MRRF: variants seen among roughly 807,000 people sequenced by gnomAD.
MRRF encodes the protein mitochondrial ribosome recycling factor.
In MRRF, 18 loss-of-function variants were observed where a neutral mutation model predicts 25.1. That is an observed-to-expected ratio of 0.72 (90% CI 0.50 to 1.06). The LOEUF is 1.06. Among genes scored for constraint, MRRF ranks in the 50% least tolerant of loss-of-function variants. The probability of loss-of-function intolerance (pLI) is 0.00; values close to 1 mark genes in which losing one functional copy is unlikely to be tolerated. For missense variants in MRRF, 323 were observed against 319.3 expected, an observed-to-expected ratio of 1.01 and a Z score of -0.09; for synonymous variants, 113 against 112.1, an observed-to-expected ratio of 1.01 and a Z score of -0.05.
At chr9:122,320,342 C>T (rs1214399154) in intron 6 of MRRF, among the ~76,000 whole-genome samples, 1 of 152,170 alleles carries the variant, frequency 6.6e-6, no homozygotes, top group Non-Finnish European at 1.5e-5. Flanking sequence ...ACTAATTTCA[C>T]CCAGAACCCA....
intron 4 of MRRF, among the ~76,000 whole-genome samples, chr9:122,289,402 GGTGCCCTA>G (rs1408149817): frequency 1.3e-5 from 2 of 152,072 alleles, no homozygotes; most frequent in Admixed American, 1.3e-4. Flanking sequence ...GTCAGTAGTC[GGTGCCCTA>G]GTGCCTGTAG....
chr9:122,308,739 C>T (rs977745341), intron 5 of MRRF, among the ~76,000 whole-genome samples: 13 of 149,478 alleles, frequency 8.7e-5, no homozygotes, highest in African/African-American at 3.0e-4. Context: ...GTCATGCTGT[C>T]TCATCCAGGC....
chr9:122,285,584 T>TGGAGAGC, intron 4 of MRRF: 1 of 441,326 alleles, frequency 2.3e-6, no homozygotes, highest in Non-Finnish European at 4.2e-6. Flanking sequence ...TCTGGTGAGC[T>TGGAGAGC]GGAGAGCCTG....
chr9:122,291,650 T>TGTTCTG, intron 4 of MRRF, 99 bp from the exon 5 acceptor site: 1 of 857,148 alleles, frequency 1.2e-6, no homozygotes, highest in South Asian at 1.3e-5. Flanking sequence ...ACTAAATGTT[T>TGTTCTG]CCATGTTCTG....
At chr9:122,306,058 A>G (rs747861935) in intron 5 of MRRF, among the ~76,000 whole-genome samples, 3 of 152,358 alleles carry the variant, frequency 2.0e-5, no homozygotes, top group Non-Finnish European at 4.4e-5. Flanking sequence ...AGTGTTACAC[A>G]GTTAATAAGT....
intron 2 of MRRF, among the ~76,000 whole-genome samples, chr9:122,280,158 T>C (rs1833009974): frequency 6.6e-6 from 1 of 152,204 alleles, no homozygotes; most frequent in Non-Finnish European, 1.5e-5. Context: ...AACTTGATAC[T>C]CAGAAAGATA....
chr9:122,292,038 T>G (rs1302629395), intron 5 of MRRF, among the ~76,000 whole-genome samples, 198 bp downstream of exon 5: 1 of 152,218 alleles, frequency 6.6e-6, no homozygotes, highest in African/African-American at 2.4e-5. Context: ...ATGTGAGGTT[T>G]GCAGCAGTAA....
In MRRF at chr9:122,277,795, G is replaced by A. The variant is rs553162620; in HGVS notation, c.185-2648G>A. Among the ~76,000 whole-genome samples, 167 of 152,230 alleles carry A rather than the reference G, an allele frequency of 1.1e-3. 2 individuals carry two copies. The highest frequency in any genetic ancestry group is 3.8e-3 in the African/African-American group (158 of 41,564). Reference sequence around the variant, plus strand: ...TCAAACTCCTGGCCTCAGGTGATCCGCCCGCCTTGGCTTGCCAAAGTGCTA... The same window carrying A: ...TCAAACTCCTGGCCTCAGGTGATCCACCCGCCTTGGCTTGCCAAAGTGCTA... On this transcript the variant is annotated intron_variant, in intron 2 of 6. Transcript: ENST00000344641.
At chr9:122,280,628 G>T in intron 3 of MRRF, 30 bp downstream of exon 3, 1 of 1,608,038 alleles carries the variant, frequency 6.2e-7, no homozygotes. Context: ...TTCTGGGGAG[G>T]GATGTAATGG....
chr9:122,312,830 G>A (rs1055333484), intron 5 of MRRF, among the ~76,000 whole-genome samples: 5 of 152,134 alleles, frequency 3.3e-5, no homozygotes, highest in African/African-American at 1.2e-4. Context: ...TGAAGCATGG[G>A]CTCTTGATGG....
Position 122,330,367 on chromosome 9 carries a change from C to T in MRRF, c.*7750C>T, listed in dbSNP as rs910886645. 3.3e-5 allele frequency: 5 copies of T among 152,242 alleles called. No individual in the cohort carries two copies. Among genetic ancestry groups the T allele is most frequent in the African/African-American group, 9.7e-5 (4 of 41,444 alleles). 9.4% of individuals were successfully genotyped at this position (152,242 alleles called of 1,614,324 possible). A position where few individuals can be genotyped will look rare whatever the true frequency, so the allele number is the denominator to read the frequency against. ...AAATCTCCAAAGACAGCAGCTCCTC[C>T]GCGAGCTAGCTGCCCCTGACCGAGG... On this transcript the variant is annotated 3_prime_UTR_variant, in exon 7 of 7. Transcript: ENST00000344641. This position sits in a 1 kb window ranked among gnomAD's most constrained non-coding sequence, Gnocchi z 4.2.
Position 122,328,365 on chromosome 9 carries a change from C to A in MRRF, c.*5748C>A, listed in dbSNP as rs570241239. On this transcript the variant is annotated 3_prime_UTR_variant, in exon 7 of 7. Transcript: ENST00000344641. The stretch of plus-strand genomic sequence containing the variant: ...AGAACTCTTTACCATGCAGAACTGA[C>A]GCTCTATACCCATTACACAACCCCA... 2.0e-5 allele frequency: 3 copies of A among 152,190 alleles called. No individual in the cohort carries two copies. The highest frequency in any genetic ancestry group is 2.9e-5 in the Non-Finnish European group (2 of 68,034). 9.4% of individuals were successfully genotyped at this position (152,190 alleles called of 1,614,324 possible).
intron 2 of MRRF, among the ~76,000 whole-genome samples, chr9:122,276,323 C>T (rs959638530): frequency 6.6e-6 from 1 of 152,124 alleles, no homozygotes; most frequent in Non-Finnish European, 1.5e-5. Context: ...TAAGGTCTTG[C>T]TTTGTTGCCT....
At chr9:122,282,102 T>C (rs78580076) in intron 3 of MRRF, among the ~76,000 whole-genome samples, 4,575 of 152,282 alleles carry the variant, frequency 0.03, 207 homozygotes, top group African/African-American at 0.099. Context: ...CTGTATAGAA[T>C]TTGGGGCCAT....
At chr9:122,307,232 G>C (rs979752554) in intron 5 of MRRF, among the ~76,000 whole-genome samples, 1 of 152,192 alleles carries the variant, frequency 6.6e-6, no homozygotes. Flanking sequence ...CTGTAGGGGG[G>C]AGTCCCGGAA....
At chr9:122,320,995 A>C (rs1217096717) in intron 6 of MRRF, among the ~76,000 whole-genome samples, 1 of 152,202 alleles carries the variant, frequency 6.6e-6, no homozygotes, top group Non-Finnish European at 1.5e-5. Context: ...ATGGCAGAAA[A>C]TTTGGAAAAT....
chr9:122,273,440 CAA>C (rs566027952), intron 2 of MRRF, among the ~76,000 whole-genome samples: 33 of 70,150 alleles, frequency 4.7e-4, no homozygotes, highest in Admixed American at 1.1e-3. Context: ...GACCCTGTCT[CAA>C]AAAAAAAAAA....
At chr9:122,297,047 G>T (rs548123593) in intron 5 of MRRF, among the ~76,000 whole-genome samples, 6 of 152,270 alleles carry the variant, frequency 3.9e-5, no homozygotes, top group Admixed American at 3.3e-4. Flanking sequence ...AAGCACAGTG[G>T]CTTACACCTG....
chr9:122,306,860 G>A (rs1303811061), intron 5 of MRRF, among the ~76,000 whole-genome samples: 1 of 152,150 alleles, frequency 6.6e-6, no homozygotes, highest in Non-Finnish European at 1.5e-5. Flanking sequence ...CTGTATTTCA[G>A]AATGGTATGT....
Sources: gnomAD v4.1 joint callset for allele counts (sites outside exome capture counted in the v4.1 genomes callset) on GRCh38, gnomAD v4.1.1 for gene constraint, Gnocchi (gnomAD v3.1) non-coding constraint, MANE v1.5 for transcripts, NCBI Gene and HGNC (gene_info 2026-07-23, HGNC 2026-07-21) for gene names.